The following LRRC18 variants were observed in gnomAD, a reference collection of about 807,000 sequenced individuals.
LRRC18 encodes the protein leucine rich repeat containing 18.
A neutral mutation model predicts 11.2 loss-of-function variants in LRRC18; 12 were observed. The ratio of observed to expected loss-of-function variants is 1.07; its 90% CI spans 0.69 to 1.74. LRRC18 has a LOEUF of 1.74. LRRC18 is among the 40% of genes most tolerant of loss of function. LRRC18 has a pLI of 0.00. For missense variants in LRRC18, 374 were observed against 330.5 expected, an observed-to-expected ratio of 1.13 and a Z score of -1.02; for synonymous variants, 155 against 130.6, an observed-to-expected ratio of 1.19 and a Z score of -1.27.
At chr10:48,918,728 G>C (rs563831918), upstream of LRRC18, among the ~76,000 whole-genome samples, 2 of 147,708 alleles carry the variant, frequency 1.4e-5, no homozygotes, top group East Asian at 3.9e-4. Context: ...TTTTAGACCA[G>C]GTAATTATTT....
At chr10:48,921,499 A>C in the LRRC18 span, among the ~76,000 whole-genome samples, 1 of 152,226 alleles carries the variant, frequency 6.6e-6, no homozygotes, top group Non-Finnish European at 1.5e-5. Context: ...AGACTATAAA[A>C]CTTTGAAAAG....
At chr10:48,914,371 G>T, upstream of LRRC18, 3 of 568,174 alleles carry the variant, frequency 5.3e-6, no homozygotes, top group South Asian at 7.3e-5. Flanking sequence ...AGTGGACCCA[G>T]CCCAGCCATA....
upstream of LRRC18, among the ~76,000 whole-genome samples, chr10:48,918,191 GACA>G (rs879658660): frequency 1.3e-5 from 2 of 152,200 alleles, no homozygotes; most frequent in East Asian, 1.9e-4. Context: ...GGAGCAAACA[GACA>G]ACAACTATTA....
chr10:48,930,931 G>T, the LRRC18 span, among the ~76,000 whole-genome samples: 1 of 152,050 alleles, frequency 6.6e-6, no homozygotes, highest in African/African-American at 2.4e-5. Flanking sequence ...GAGAAAGAAC[G>T]CCAAGAATAT....
upstream of LRRC18, chr10:48,914,353 C>G: frequency 1.6e-6 from 1 of 613,410 alleles, no homozygotes; most frequent in Non-Finnish European, 2.8e-6. Flanking sequence ...GGAGAGAAGT[C>G]AGGGCAAAGT....
the LRRC18 span, among the ~76,000 whole-genome samples, chr10:48,926,543 C>T: frequency 3.8e-4 from 58 of 152,266 alleles, no homozygotes; most frequent in African/African-American, 1.4e-3. Context: ...GTTCCACTGA[C>T]CTTTTGGAGG....
At chr10:48,928,513 A>T in the LRRC18 span, among the ~76,000 whole-genome samples, 1 of 152,070 alleles carries the variant, frequency 6.6e-6, no homozygotes, top group Non-Finnish European at 1.5e-5. Context: ...CCTGCAGCCT[A>T]GCGTCCTTAT....
At chr10:48,919,560 G>C in the LRRC18 span, among the ~76,000 whole-genome samples, 1 of 152,214 alleles carries the variant, frequency 6.6e-6, no homozygotes, top group Admixed American at 6.5e-5. Flanking sequence ...CAGAGGCTGG[G>C]AAGTCCAAAT....
At chr10:48,921,379 A>G in the LRRC18 span, among the ~76,000 whole-genome samples, 1 of 152,188 alleles carries the variant, frequency 6.6e-6, no homozygotes, top group African/African-American at 2.4e-5. Flanking sequence ...GAGAAAATGA[A>G]CTCTTTAACA....
At chr10:48,911,950 A>T (rs1241704208) in intron 1 of LRRC18, among the ~76,000 whole-genome samples, 4 of 152,230 alleles carry the variant, frequency 2.6e-5, no homozygotes, top group African/African-American at 9.6e-5. Flanking sequence ...GCTGTGGTTG[A>T]CAATGTGAGG....
At chr10:48,922,704 A>G in the LRRC18 span, among the ~76,000 whole-genome samples, 16 of 152,242 alleles carry the variant, frequency 1.1e-4, no homozygotes, top group Non-Finnish European at 2.1e-4. Context: ...TGGTAATGGA[A>G]TACTACTAAA....
chr10:48,911,075 G>T, intron 1 of LRRC18: 1 of 211,972 alleles, frequency 4.7e-6, no homozygotes, highest in Non-Finnish European at 8.1e-6. Flanking sequence ...TACCTTTTGG[G>T]TCAGAGAAGA....
At chr10:48,937,685 C>T in the LRRC18 span, among the ~76,000 whole-genome samples, 78,217 of 152,112 alleles carry the variant, frequency 0.51, 20,479 homozygotes, top group East Asian at 0.66. Context: ...AGATTTTCCA[C>T]GTTAGGGAAA....
the LRRC18 span, among the ~76,000 whole-genome samples, chr10:48,919,692 T>C: frequency 6.6e-6 from 1 of 152,188 alleles, no homozygotes; most frequent in Non-Finnish European, 1.5e-5. Flanking sequence ...CTTTTGGTAA[T>C]GGCATAAATT....
At chr10:48,932,433 G>GAA in the LRRC18 span, 1 of 152,152 alleles carries the variant, frequency 6.6e-6, no homozygotes, top group Non-Finnish European at 1.5e-5. Flanking sequence ...AGTGATTGCA[G>GAA]AAAAAGAGAT....
the LRRC18 span, among the ~76,000 whole-genome samples, chr10:48,925,376 T>C: frequency 1.3e-5 from 2 of 151,812 alleles, no homozygotes; most frequent in African/African-American, 4.8e-5. Context: ...ATGTAATGGG[T>C]GTGTTGGGAA....
chr10:48,910,918 T>A, intron 1 of LRRC18: 1 of 985,138 alleles, frequency 1.0e-6, no homozygotes, highest in South Asian at 4.7e-5. Flanking sequence ...TCTTAACTTC[T>A]CTCCTTTGCT....
At chr10:48,933,647 T>C in the LRRC18 span, among the ~76,000 whole-genome samples, 1 of 152,246 alleles carries the variant, frequency 6.6e-6, no homozygotes, top group South Asian at 2.1e-4. Context: ...GACCCAGTTC[T>C]AGGGGCTGAG....
chr10:48,939,131 C>T, the LRRC18 span, among the ~76,000 whole-genome samples: 1 of 152,172 alleles, frequency 6.6e-6, no homozygotes, highest in Non-Finnish European at 1.5e-5. Context: ...TCCCAGGTTG[C>T]ACAATTCTAA....
Sources: gnomAD v4.1 joint callset for allele counts (sites outside exome capture counted in the v4.1 genomes callset) on GRCh38, gnomAD v4.1.1 for gene constraint, MANE v1.5 for transcripts, NCBI Gene and HGNC (gene_info 2026-07-23, HGNC 2026-07-21) for gene names.